STRN3: variants seen among roughly 807,000 people sequenced by gnomAD.
STRN3 encodes the protein striatin-3.
Under a neutral mutation model 95.6 loss-of-function variants are expected in STRN3, and 29 were observed. The ratio of observed to expected loss-of-function variants is 0.30; its 90% CI spans 0.23 to 0.41. The LOEUF (loss-of-function observed/expected upper bound fraction) is 0.41, where lower values mean the gene tolerates loss of function less well. STRN3 is among the 10% of genes least tolerant of loss of function. The pLI, the probability that STRN3 is intolerant of heterozygous loss-of-function variation, is 1.00. For synonymous variants in STRN3, 331 were observed against 357.6 expected (o/e 0.93, Z 0.84); for missense variants, 890 against 972.1 (o/e 0.92, Z 1.12).
In STRN3 at chr14:30,929,967, A is replaced by ACAAAAAAAAAAAAAAAAAAAC. The variant is rs1002618519; in HGVS notation, c.989-657_989-656insGTTTTTTTTTTTTTTTTTTTG. ...AACTAAGATTAGCAAAAAAAAAAAA[A>ACAAAAAAAAAAAAAAAAAAAC]AAAAAAAAAAAACTCAAATTCCACT... is the stretch of plus-strand genomic sequence containing the variant. On this transcript the variant is annotated intron_variant, in intron 7 of 17. Transcript: ENST00000357479. Among the ~76,000 whole-genome samples the ACAAAAAAAAAAAAAAAAAAAC allele has an allele frequency of 1.3e-4, 12 of 91,216 alleles. 1 individual carries two copies. Among genetic ancestry groups the ACAAAAAAAAAAAAAAAAAAAC allele is most frequent in the African/African-American group, 4.6e-4 (12 of 26,064 alleles). The allele number at this position is 91,216 out of a possible 152,430, so 59.8% of individuals were successfully genotyped here.
At chr14:30,957,930 T>C (rs753173328) in intron 1 of STRN3, among the ~76,000 whole-genome samples, 4 of 152,234 alleles carry the variant, frequency 2.6e-5, no homozygotes, top group Non-Finnish European at 5.9e-5. Context: ...AGTTATGATG[T>C]GTTCATTTCT....
At chr14:30,930,228 T>C (rs1376522184) in intron 7 of STRN3, among the ~76,000 whole-genome samples, 2 of 152,128 alleles carry the variant, frequency 1.3e-5, no homozygotes, top group Non-Finnish European at 2.9e-5. Context: ...AGAATTATTT[T>C]AAATATTGAG....
intron 1 of STRN3, among the ~76,000 whole-genome samples, chr14:31,018,083 T>TAAA (rs11438099): frequency 3.1e-5 from 4 of 128,616 alleles, no homozygotes; most frequent in Non-Finnish European, 4.9e-5. Context: ...TGCCTCAATT[T>TAAA]AAAAAAAAAA....
chr14:30,930,944 A>T (rs1308895388), intron 7 of STRN3, among the ~76,000 whole-genome samples: 3 of 152,158 alleles, frequency 2.0e-5, no homozygotes, highest in African/African-American at 7.2e-5. Flanking sequence ...AAAAACCCTT[A>T]AGTTGTATGA....
chr14:30,947,057 C>T (rs766904477), intron 5 of STRN3, 33 bp downstream of exon 5: 1 of 1,448,818 alleles, frequency 6.9e-7, no homozygotes, highest in African/African-American at 1.4e-5. Context: ...CCATAATATC[C>T]ATTATATAAA....
chr14:31,023,142 G>A (rs1317043960), intron 1 of STRN3, among the ~76,000 whole-genome samples: 1 of 152,166 alleles, frequency 6.6e-6, no homozygotes, highest in Non-Finnish European at 1.5e-5. Flanking sequence ...AGGCACTACT[G>A]TGAAGAAAGA....
chr14:30,937,029 T>C (rs190688341), intron 5 of STRN3, among the ~76,000 whole-genome samples: 13 of 152,278 alleles, frequency 8.5e-5, no homozygotes, highest in African/African-American at 2.6e-4. Context: ...TACCAAAGTT[T>C]ATCAGGCGGG....
chr14:30,973,225 G>A (rs1252814887), intron 1 of STRN3, among the ~76,000 whole-genome samples: 7 of 151,644 alleles, frequency 4.6e-5, no homozygotes, highest in Non-Finnish European at 1.0e-4. Flanking sequence ...GCCAGTAGAG[G>A]CAAATAAAGA....
At chr14:30,966,013 C>A (rs1057108503) in intron 1 of STRN3, among the ~76,000 whole-genome samples, 2 of 152,184 alleles carry the variant, frequency 1.3e-5, no homozygotes, top group Admixed American at 6.5e-5. Context: ...ACCTGCTCCA[C>A]TCTACATTCC....
chr14:31,006,225 A>C lies in STRN3; in HGVS notation c.282+19679T>G, dbSNP rs574979649. On this transcript the variant is annotated intron_variant, in intron 1 of 17. Transcript: ENST00000357479. ...CAACAACAAAAACTCTACTATGCTC[A>C]AAAAATTCCATTATATAAAGGTAAT... 2.3e-3 allele frequency among the ~76,000 whole-genome samples: 349 copies of C among 152,238 alleles called. 2 individuals carry two copies. Among genetic ancestry groups the C allele is most frequent in the Non-Finnish European group, 4.0e-3 (273 of 68,018 alleles).
chr14:30,917,270 C>A (rs1566434109), intron 9 of STRN3, among the ~76,000 whole-genome samples: 1 of 152,182 alleles, frequency 6.6e-6, no homozygotes, highest in Non-Finnish European at 1.5e-5. Context: ...AAACAGATCA[C>A]TGACCTATAT....
At chr14:31,004,186 G>A (rs987333366) in intron 1 of STRN3, among the ~76,000 whole-genome samples, 14 of 152,080 alleles carry the variant, frequency 9.2e-5, no homozygotes. Flanking sequence ...TCGGGAGGCT[G>A]AGAGGTGGGA....
Position 30,984,575 on chromosome 14 carries a change from C to T in STRN3, c.283-28333G>A, listed in dbSNP as rs1041048047. Among the ~76,000 whole-genome samples, 3 of 151,842 alleles carry T rather than the reference C, an allele frequency of 2.0e-5. No individual in the cohort carries two copies. In the South Asian group the frequency reaches 6.2e-4, roughly 32 times the overall value. ...TGCGCAGATCACGAGGTCAAGAGAT[C>T]GAGAACATCCTGGCCAACAGGATGA... On this transcript the variant is annotated intron_variant, in intron 1 of 17. Coordinates refer to ENST00000357479, the MANE Select transcript of STRN3 (RefSeq NM_001083893.2).
intron 1 of STRN3, among the ~76,000 whole-genome samples, chr14:30,981,600 A>ACG (rs1881401719): frequency 6.6e-6 from 1 of 151,854 alleles, no homozygotes; most frequent in African/African-American, 2.4e-5. Flanking sequence ...ACACACACAC[A>ACG]CACACACCCC....
intron 8 of STRN3, among the ~76,000 whole-genome samples, chr14:30,919,362 GATAT>G (rs149599396): frequency 4.1e-5 from 6 of 146,496 alleles, no homozygotes; most frequent in Admixed American, 6.8e-5. Flanking sequence ...TCTCTAAAGA[GATAT>G]ATATATATAT....
At chr14:30,958,181 C>T (rs546991610) in intron 1 of STRN3, among the ~76,000 whole-genome samples, 110 of 150,716 alleles carry the variant, frequency 7.3e-4, no homozygotes, top group Non-Finnish European at 1.4e-3. Context: ...GGCGTGGTAG[C>T]ATGTTCCTGT....
At chr14:30,986,336 C>T (rs559994855) in intron 1 of STRN3, among the ~76,000 whole-genome samples, 4 of 152,236 alleles carry the variant, frequency 2.6e-5, no homozygotes, top group Admixed American at 6.5e-5. Flanking sequence ...TTATCTAGCT[C>T]GGTCAACCGT....
chr14:30,909,356 T>G (rs1448604087), intron 13 of STRN3, among the ~76,000 whole-genome samples: 1 of 152,118 alleles, frequency 6.6e-6, no homozygotes, highest in Non-Finnish European at 1.5e-5. Flanking sequence ...CAAAAATTAG[T>G]GCGGTGTGGT....
chr14:30,940,924 T>C (rs1879061978), intron 5 of STRN3, among the ~76,000 whole-genome samples: 1 of 152,124 alleles, frequency 6.6e-6, no homozygotes, highest in Non-Finnish European at 1.5e-5. Flanking sequence ...TTTTGAAACC[T>C]AATCCCCAAT....
Sources: allele counts gnomAD v4.1 joint callset (sites outside exome capture counted in the v4.1 genomes callset), GRCh38; gene constraint gnomAD v4.1.1; transcripts MANE v1.5; gene names NCBI Gene and HGNC (gene_info 2026-07-23, HGNC 2026-07-21).